The following GALNTL6 variants were observed in gnomAD, a reference collection of about 807,000 sequenced individuals.
The protein encoded by GALNTL6 is polypeptide N-acetylgalactosaminyltransferase like 6.
A neutral mutation model predicts 73.7 loss-of-function variants in GALNTL6; 46 were observed. The observed-to-expected ratio is 0.62, with a 90% CI of 0.49 to 0.80. The LOEUF (loss-of-function observed/expected upper bound fraction) is 0.80. GALNTL6 is among the 30% of genes least tolerant of loss of function. The pLI, the probability that GALNTL6 is intolerant of heterozygous loss-of-function variation, is 0.00. For missense variants in GALNTL6, 604 were observed against 755.0 expected (o/e 0.80, Z 2.34); for synonymous variants, 259 against 263.7 (o/e 0.98, Z 0.17).
chr4:172,555,524 A>C (rs6819214), intron 5 of GALNTL6, among the ~76,000 whole-genome samples: 134,723 of 152,112 alleles, frequency 0.89, 59,719 homozygotes, highest in African/African-American at 0.93. Flanking sequence ...GTGACATACA[A>C]AGTGTCCCCA....
At chr4:172,481,562 T>C (rs531383192) in intron 5 of GALNTL6, among the ~76,000 whole-genome samples, 1 of 152,178 alleles carries the variant, frequency 6.6e-6, no homozygotes, top group East Asian at 1.9e-4. Flanking sequence ...AGAGAGCTGA[T>C]TGGTCCATTT....
At chr4:172,412,352 A>C (rs942181378) in intron 5 of GALNTL6, among the ~76,000 whole-genome samples, 2 of 152,020 alleles carry the variant, frequency 1.3e-5, no homozygotes, top group African/African-American at 4.8e-5. Context: ...GAAATATTTT[A>C]GATAATGAGA....
In GALNTL6 at chr4:172,619,910, A is replaced by G. The variant is rs567209881; in HGVS notation, c.554-189451A>G. ...CAAAGGCCTATGTCATTGAAGCTGC[A>G]AAGAAACCTTTCTCCTGTGTATAGG... On this transcript the variant is annotated intron_variant, in intron 5 of 12. Transcript: ENST00000506823. 2.0e-5 allele frequency among the ~76,000 whole-genome samples: 3 copies of G among 152,322 alleles called. No individual in the cohort carries two copies. The South Asian group carries it at 6.2e-4, about 32-fold the overall frequency.
At chr4:172,122,145 AG>A (rs1320245187) in intron 2 of GALNTL6, among the ~76,000 whole-genome samples, 6 of 151,482 alleles carry the variant, frequency 4.0e-5, no homozygotes, top group Non-Finnish European at 8.8e-5. Context: ...GAATTCGAGC[AG>A]AGCGTGAGCA....
intron 5 of GALNTL6, among the ~76,000 whole-genome samples, chr4:172,701,255 A>G (rs954941681): frequency 6.6e-6 from 1 of 152,132 alleles, no homozygotes; most frequent in Non-Finnish European, 1.5e-5. Context: ...CAGACTTCAG[A>G]TATTTACATA....
intron 5 of GALNTL6, among the ~76,000 whole-genome samples, chr4:172,649,889 G>C (rs1447248953): frequency 6.6e-6 from 1 of 152,064 alleles, no homozygotes. Flanking sequence ...GCTTTACTAG[G>C]CACAAATCTC....
At chr4:172,831,951 T>G (rs1035297711) in intron 7 of GALNTL6, among the ~76,000 whole-genome samples, 1 of 152,196 alleles carries the variant, frequency 6.6e-6, no homozygotes, top group African/African-American at 2.4e-5. Context: ...CCTCCAGAAC[T>G]GTCAGAAATT....
intron 2 of GALNTL6, among the ~76,000 whole-genome samples, chr4:172,217,778 G>A (rs767015404): frequency 5.3e-5 from 8 of 152,022 alleles, no homozygotes; most frequent in Non-Finnish European, 7.4e-5. Context: ...TGCTTGATTT[G>A]TCTCGTCAGA....
chr4:172,857,348 G>A (rs1744171520), intron 7 of GALNTL6, among the ~76,000 whole-genome samples: 2 of 152,206 alleles, frequency 1.3e-5, no homozygotes, highest in Admixed American at 6.5e-5. Context: ...GCCTGAACAC[G>A]GGCCACATCA....
chr4:172,275,234 A>G (rs1437166662), intron 3 of GALNTL6, among the ~76,000 whole-genome samples: 1 of 152,228 alleles, frequency 6.6e-6, no homozygotes. Context: ...ATGTTTGACA[A>G]GTATATCAAA....
intron 12 of GALNTL6, among the ~76,000 whole-genome samples, chr4:173,027,713 G>A (rs1483393198): frequency 6.6e-6 from 1 of 152,092 alleles, no homozygotes; most frequent in Admixed American, 6.5e-5. Flanking sequence ...AATCAGGCAA[G>A]ATATAGACCT....
intron 3 of GALNTL6, among the ~76,000 whole-genome samples, chr4:172,290,713 C>T (rs1056341549): frequency 2.0e-5 from 3 of 151,540 alleles, no homozygotes; most frequent in Admixed American, 2.0e-4. Flanking sequence ...ATATAATATA[C>T]AATATCATGT....
At chr4:172,287,269 C>G (rs10213580) in intron 3 of GALNTL6, among the ~76,000 whole-genome samples, 75,255 of 151,962 alleles carry the variant, frequency 0.5, 19,057 homozygotes, top group East Asian at 0.6. Context: ...ATCCAACACT[C>G]TGCCTCAGCC....
chr4:172,164,426 TA>T (rs942844991), intron 2 of GALNTL6, among the ~76,000 whole-genome samples: 3 of 151,910 alleles, frequency 2.0e-5, no homozygotes, highest in Non-Finnish European at 4.4e-5. Context: ...ATGGATTTTT[TA>T]AAAAAAGTGT....
intron 2 of GALNTL6, among the ~76,000 whole-genome samples, chr4:172,038,339 T>C (rs1741996130): frequency 6.6e-6 from 1 of 151,994 alleles, no homozygotes; most frequent in South Asian, 2.1e-4. Flanking sequence ...TTTTTTCTTC[T>C]CTTTTAAATA....
At chr4:172,489,326 A>G (rs922776979) in intron 5 of GALNTL6, among the ~76,000 whole-genome samples, 4 of 152,210 alleles carry the variant, frequency 2.6e-5, no homozygotes, top group African/African-American at 4.8e-5. Flanking sequence ...GCAAACCCAT[A>G]AACAAATAGT....
chr4:172,202,252 A>G (rs1462797203), intron 2 of GALNTL6, among the ~76,000 whole-genome samples: 1 of 152,234 alleles, frequency 6.6e-6, no homozygotes, highest in African/African-American at 2.4e-5. Context: ...TGATGAGCAC[A>G]GTAATTTGAA....
chr4:172,033,290 T>C (rs544238673), intron 2 of GALNTL6, among the ~76,000 whole-genome samples: 4 of 152,056 alleles, frequency 2.6e-5, no homozygotes, highest in East Asian at 1.9e-4. Context: ...AATGCTTGTG[T>C]TCCATAACAA....
In GALNTL6 at chr4:173,040,831, C is replaced by T. The variant is rs1458394034; in HGVS notation, c.*731C>T. 6.6e-6 allele frequency: 1 copy of T among 152,322 alleles called. No individual in the cohort carries two copies. The highest frequency in any genetic ancestry group is 1.5e-5 in the Non-Finnish European group (1 of 67,984). 9.4% of individuals were successfully genotyped at this position (152,322 alleles called of 1,614,324 possible). On this transcript the variant is annotated 3_prime_UTR_variant, in exon 13 of 13. Transcript: ENST00000506823. ...CTAATTCAGTGCCCTTCTATGAATCCAGTTAAAAACAAAAGCAAAAGCAAA... is the reference window on the plus strand; with the variant it reads ...CTAATTCAGTGCCCTTCTATGAATCTAGTTAAAAACAAAAGCAAAAGCAAA...
Sources: gnomAD v4.1 joint callset for allele counts (sites outside exome capture counted in the v4.1 genomes callset) on GRCh38, gnomAD v4.1.1 for gene constraint, MANE v1.5 for transcripts, NCBI Gene and HGNC (gene_info 2026-07-23, HGNC 2026-07-21) for gene names.